Variants in FUT8 observed in about 807,000 individuals in gnomAD.
FUT8 encodes alpha-(1,6)-fucosyltransferase.
In FUT8, 29 loss-of-function variants were observed where a neutral mutation model predicts 71.3. That is an observed-to-expected ratio of 0.41 (90% confidence interval 0.30 to 0.55). FUT8 has a LOEUF of 0.55. FUT8 is among the 20% of genes least tolerant of loss of function. FUT8 has a pLI of 0.34. For synonymous variants in FUT8, 254 were observed against 239.3 expected (o/e 1.06, Z -0.57); for missense variants, 544 against 702.1 (o/e 0.77, Z 2.55).
chr14:65,557,875 G>T (rs1323892127), intron 2 of FUT8, among the ~76,000 whole-genome samples: 1 of 152,024 alleles, frequency 6.6e-6, no homozygotes, highest in African/African-American at 2.4e-5. Context: ...ATATTTTTAC[G>T]AATTTGAACT....
intron 2 of FUT8, among the ~76,000 whole-genome samples, chr14:65,466,270 A>G (rs1234422011): frequency 6.6e-6 from 1 of 152,188 alleles, no homozygotes; most frequent in Non-Finnish European, 1.5e-5. Flanking sequence ...TAGACCACAG[A>G]TGTTTAAAGT....
intron 5 of FUT8, among the ~76,000 whole-genome samples, chr14:65,623,724 C>A (rs906163926): frequency 1.3e-5 from 2 of 152,040 alleles, no homozygotes; most frequent in Non-Finnish European, 2.9e-5. Context: ...TCTCAAAAAA[C>A]AATAACAACA....
At chr14:65,528,654 A>G (rs1357107367) in intron 2 of FUT8, among the ~76,000 whole-genome samples, 2 of 152,190 alleles carry the variant, frequency 1.3e-5, no homozygotes, top group Non-Finnish European at 2.9e-5. Context: ...GCTGGGAGCT[A>G]TAGACTGGAG....
the FUT8 span, among the ~76,000 whole-genome samples, chr14:65,396,245 C>T: frequency 9.6e-3 from 1,466 of 152,332 alleles, 25 homozygotes; most frequent in African/African-American, 0.031. This position sits in a 1 kb window ranked among gnomAD's most constrained non-coding sequence, Gnocchi z 5.5. Context: ...AAGTCACTTC[C>T]ACATTTTCAG....
At chr14:65,732,037 A>G (rs902555310) in intron 9 of FUT8, among the ~76,000 whole-genome samples, 3 of 152,146 alleles carry the variant, frequency 2.0e-5, no homozygotes, top group Non-Finnish European at 4.4e-5. Flanking sequence ...CTGGGTATGC[A>G]GCTTCCCAAG....
the FUT8 span, among the ~76,000 whole-genome samples, chr14:65,380,764 A>G: frequency 6.6e-6 from 1 of 152,198 alleles, no homozygotes; most frequent in Admixed American, 6.5e-5. Context: ...CAATGAAGGA[A>G]ATCCTTGGCA....
At chr14:65,521,137 T>A (rs1482620744) in intron 2 of FUT8, among the ~76,000 whole-genome samples, 1 of 152,132 alleles carries the variant, frequency 6.6e-6, no homozygotes, top group Non-Finnish European at 1.5e-5. Flanking sequence ...TGTTGTTAGA[T>A]GTTGACTCTT....
intron 7 of FUT8, among the ~76,000 whole-genome samples, chr14:65,682,507 A>AC (rs1893087357): frequency 6.9e-6 from 1 of 145,890 alleles, no homozygotes; most frequent in African/African-American, 2.6e-5. Flanking sequence ...CATGTCTCAG[A>AC]AAAAAAAAAA....
At chr14:65,673,237 A>G (rs1892556489) in intron 7 of FUT8, among the ~76,000 whole-genome samples, 1 of 152,226 alleles carries the variant, frequency 6.6e-6, no homozygotes, top group Non-Finnish European at 1.5e-5. Context: ...CTCATTTCCA[A>G]AAGGTTTTAG....
intron 1 of FUT8, among the ~76,000 whole-genome samples, chr14:65,423,081 G>A (rs1194052884): frequency 6.7e-6 from 1 of 149,392 alleles, no homozygotes; most frequent in Non-Finnish European, 1.5e-5. Context: ...CGCCTTCCGA[G>A]TTCAAGTGAT....
rs909752848 is a variant in FUT8 at position 65,467,950 on chromosome 14, G to C, written c.-228+12232G>C. 1 of 729,950 alleles carries C rather than the reference G, an allele frequency of 1.4e-6. No individual in the cohort carries two copies. The highest frequency in any genetic ancestry group is 1.8e-5 in the Admixed American group (1 of 55,866). The allele number at this position is 729,950 out of a possible 1,614,324, so 45.2% of individuals were successfully genotyped here. A position where few individuals can be genotyped will look rare whatever the true frequency, so the allele number is the denominator to read the frequency against. ...TTCTCTTTGGCTTCTTTCTTTTTCC[G>C]ATCATTTTCCTTTACGTGTTTCAGG... On this transcript the variant is annotated intron_variant, in intron 2 of 10. Transcript: ENST00000673929. The surrounding 1 kb of genome is among the most constrained non-coding windows in gnomAD (Gnocchi z 4.1).
the FUT8 span, among the ~76,000 whole-genome samples, chr14:65,394,723 G>C: frequency 6.6e-6 from 1 of 150,406 alleles, no homozygotes; most frequent in African/African-American, 2.4e-5. Flanking sequence ...CCCCATGCAA[G>C]TCCAAAATCC....
At chr14:65,411,464 T>C (rs2065122566), upstream of FUT8, 1 of 150,348 alleles carries the variant, frequency 6.7e-6, no homozygotes, top group Admixed American at 6.6e-5. Context: ...GTACCTTATT[T>C]GTGTATCTGT....
chr14:65,390,777 G>A, the FUT8 span, among the ~76,000 whole-genome samples: 2 of 147,130 alleles, frequency 1.4e-5, no homozygotes, highest in Admixed American at 6.9e-5. Flanking sequence ...TGGCTGGAGT[G>A]CAGTGGCGCC....
chr14:65,569,270 C>G (rs1886355784), intron 3 of FUT8, among the ~76,000 whole-genome samples: 1 of 151,728 alleles, frequency 6.6e-6, no homozygotes, highest in African/African-American at 2.4e-5. Flanking sequence ...TTGGAAAACC[C>G]TCAGCTACTA....
At chr14:65,468,251 G>A (rs1297375536) in intron 2 of FUT8, 28 of 622,758 alleles carry the variant, frequency 4.5e-5, no homozygotes, top group Non-Finnish European at 6.7e-5. Flanking sequence ...TTATAGATTC[G>A]CATACATGTG....
At chr14:65,587,426 G>T (rs919197081) in intron 3 of FUT8, among the ~76,000 whole-genome samples, 4 of 152,200 alleles carry the variant, frequency 2.6e-5, no homozygotes, top group East Asian at 1.9e-4. Flanking sequence ...CTGTTACTGC[G>T]TTACACAAGT....
At chr14:65,535,408 AC>A (rs1280910995) in intron 2 of FUT8, among the ~76,000 whole-genome samples, 12 of 152,192 alleles carry the variant, frequency 7.9e-5, no homozygotes, top group Admixed American at 7.9e-4. Context: ...GCTCTTTCTA[AC>A]TTTTTGATGA....
At chr14:65,398,686 C>T in the FUT8 span, among the ~76,000 whole-genome samples, 1 of 150,904 alleles carries the variant, frequency 6.6e-6, no homozygotes, top group Non-Finnish European at 1.5e-5. Flanking sequence ...GCTGAGATCG[C>T]ATCACTGCAC....
Sources: allele counts gnomAD v4.1 joint callset (sites outside exome capture counted in the v4.1 genomes callset), GRCh38; gene constraint gnomAD v4.1.1; non-coding constraint Gnocchi (gnomAD v3.1); transcripts MANE v1.5; gene names NCBI Gene and HGNC (gene_info 2026-07-23, HGNC 2026-07-21).